AGMO: variants seen among roughly 807,000 people sequenced by gnomAD.
AGMO encodes the protein alkylglycerol monooxygenase.
AGMO carries 75 observed loss-of-function variants against 60.2 expected under a neutral mutation model. The ratio of observed to expected loss-of-function variants is 1.25; its 90% CI spans 1.03 to 1.51. The LOEUF is 1.51. AGMO is among the 40% of genes most tolerant of loss of function. The pLI is 0.00. For missense variants in AGMO, 763 were observed against 525.5 expected (o/e 1.45, Z -4.42); for synonymous variants, 261 against 177.1 (o/e 1.47, Z -3.76).
At chr7:15,482,766 A>C (rs1324915082) in intron 3 of AGMO, among the ~76,000 whole-genome samples, 1 of 152,212 alleles carries the variant, frequency 6.6e-6, no homozygotes, top group Non-Finnish European at 1.5e-5. Context: ...ATGATATACA[A>C]AAAGGATAGT....
At chr7:15,369,789 C>A (rs977586297) in intron 10 of AGMO, among the ~76,000 whole-genome samples, 1 of 152,006 alleles carries the variant, frequency 6.6e-6, no homozygotes, top group Non-Finnish European at 1.5e-5. Context: ...GAATATAGAA[C>A]TCAATATGTT....
chr7:15,175,137 G>A, the AGMO span, among the ~76,000 whole-genome samples: 16 of 151,892 alleles, frequency 1.1e-4, no homozygotes, highest in Non-Finnish European at 2.1e-4. Context: ...TATTAAAATG[G>A]TTAATGTACT....
intron 12 of AGMO, among the ~76,000 whole-genome samples, chr7:15,303,654 A>G (rs1201873589): frequency 6.6e-6 from 1 of 152,136 alleles, no homozygotes; most frequent in East Asian, 1.9e-4. Context: ...CTCTGCCATA[A>G]AAGAATGTGA....
intron 12 of AGMO, among the ~76,000 whole-genome samples, chr7:15,222,387 T>G (rs1781949356): frequency 6.6e-6 from 1 of 152,078 alleles, no homozygotes; most frequent in Non-Finnish European, 1.5e-5. Flanking sequence ...GCTCAAAATA[T>G]TTTGAAAATA....
the AGMO span, among the ~76,000 whole-genome samples, chr7:15,150,968 C>T: frequency 1.3e-5 from 2 of 152,014 alleles, no homozygotes; most frequent in Middle Eastern, 6.8e-3. Flanking sequence ...CTGGTTGGTA[C>T]ATTTTTATTA....
chr7:15,376,606 C>G (rs1363228763), intron 10 of AGMO, among the ~76,000 whole-genome samples: 1 of 151,966 alleles, frequency 6.6e-6, no homozygotes, highest in African/African-American at 2.4e-5. Context: ...TATTACATAT[C>G]CTATTATAAG....
intron 2 of AGMO, among the ~76,000 whole-genome samples, chr7:15,559,820 C>A (rs1785252537): frequency 6.6e-6 from 1 of 151,970 alleles, no homozygotes; most frequent in Admixed American, 6.6e-5. Context: ...GCTATTCTTT[C>A]TGAAGCTGGA....
intron 12 of AGMO, among the ~76,000 whole-genome samples, chr7:15,284,326 C>T (rs1244375513): frequency 6.6e-6 from 1 of 151,816 alleles, no homozygotes; most frequent in Non-Finnish European, 1.5e-5. Context: ...AATTGATAGA[C>T]CATTAGCTAG....
chr7:15,530,477 C>T (rs1228219078), intron 3 of AGMO, among the ~76,000 whole-genome samples: 11 of 83,078 alleles, frequency 1.3e-4, no homozygotes, highest in East Asian at 3.7e-4. Context: ...ATTCTATATA[C>T]GTATTTCTAT....
intron 12 of AGMO, among the ~76,000 whole-genome samples, chr7:15,284,329 T>C (rs1784045551): frequency 6.6e-6 from 1 of 151,844 alleles, no homozygotes; most frequent in African/African-American, 2.4e-5. Context: ...TGATAGACCA[T>C]TAGCTAGATT....
chr7:15,431,116 AC>A lies in AGMO; in HGVS notation c.410-9del. On this transcript the variant is annotated splice_polypyrimidine_tract_variant and intron_variant, in intron 3 of 12. Coordinates refer to ENST00000342526, the MANE Select transcript of AGMO (RefSeq NM_001004320.2). ...CCCACATAATATTAACTTCTGCAAA[AC>A]ACATAATTTGCAATGAGCCATGAGA... is the stretch of plus-strand genomic sequence containing the variant. 2 of 1,595,440 alleles carry A rather than the reference AC, an allele frequency of 1.3e-6. No individual in the cohort carries two copies. Among genetic ancestry groups the A allele is most frequent in the Non-Finnish European group, 1.7e-6 (2 of 1,164,198 alleles).
chr7:15,191,278 T>C, the AGMO span, among the ~76,000 whole-genome samples: 1 of 152,198 alleles, frequency 6.6e-6, no homozygotes, highest in South Asian at 2.1e-4. Context: ...AGTAACACGA[T>C]ATCTTGCTAA....
intron 3 of AGMO, among the ~76,000 whole-genome samples, chr7:15,436,815 G>A (rs1202730740): frequency 6.6e-6 from 1 of 152,066 alleles, no homozygotes; most frequent in East Asian, 1.9e-4. Flanking sequence ...GGACAATCAT[G>A]GCACATCTTT....
chr7:15,432,293 G>T (rs1335066604), intron 3 of AGMO, among the ~76,000 whole-genome samples: 1 of 146,398 alleles, frequency 6.8e-6, no homozygotes, highest in Non-Finnish European at 1.5e-5. Context: ...AAGTTTTTAT[G>T]AAAATCATGG....
intron 12 of AGMO, among the ~76,000 whole-genome samples, chr7:15,224,117 A>T (rs1782003645): frequency 1.3e-5 from 2 of 152,000 alleles, no homozygotes. Context: ...TCCTTCTAAG[A>T]AGGTATGGTG....
intron 3 of AGMO, among the ~76,000 whole-genome samples, chr7:15,483,008 A>G (rs1782802011): frequency 6.6e-6 from 1 of 152,142 alleles, no homozygotes; most frequent in Non-Finnish European, 1.5e-5. Flanking sequence ...TCTTTAAAAT[A>G]CTCCTTTATT....
chr7:15,189,627 G>A, the AGMO span, among the ~76,000 whole-genome samples: 6 of 151,912 alleles, frequency 3.9e-5, no homozygotes, highest in Admixed American at 2.0e-4. Flanking sequence ...CATTCACAGC[G>A]CATCGCACCT....
chr7:15,384,817 CTT>C (rs71953359), intron 10 of AGMO, among the ~76,000 whole-genome samples: 7,844 of 121,306 alleles, frequency 0.065, 321 homozygotes, highest in African/African-American at 0.14. Context: ...CTGTTTTTCT[CTT>C]TTTTTTTTTT....
At chr7:15,484,490 G>A (rs62440660) in intron 3 of AGMO, among the ~76,000 whole-genome samples, 2 of 152,256 alleles carry the variant, frequency 1.3e-5, no homozygotes, top group African/African-American at 4.8e-5. Flanking sequence ...TGGATATATG[G>A]TGTGTTCACA....
Sources: allele counts gnomAD v4.1 joint callset (sites outside exome capture counted in the v4.1 genomes callset), GRCh38; gene constraint gnomAD v4.1.1; transcripts MANE v1.5; gene names NCBI Gene and HGNC (gene_info 2026-07-23, HGNC 2026-07-21).